PREX1: variants seen among roughly 807,000 people sequenced by gnomAD.
The protein encoded by PREX1 is phosphatidylinositol-3,4,5-trisphosphate dependent Rac exchange factor 1.
Under a neutral mutation model 198.3 loss-of-function variants are expected in PREX1, and 41 were observed. That is an observed-to-expected ratio of 0.21 (90% CI 0.16 to 0.27). The LOEUF (loss-of-function observed/expected upper bound fraction) is 0.27. Among genes scored for constraint, PREX1 ranks in the 10% least tolerant of loss-of-function variants. PREX1 has a pLI of 1.00. For synonymous variants in PREX1, 843 were observed against 887.2 expected (o/e 0.95, Z 0.89); for missense variants, 1,620 against 2,200.7 (o/e 0.74, Z 5.28).
intron 33 of PREX1, 27 bp from the exon 34 acceptor site, chr20:48,632,666 C>T: frequency 6.2e-7 from 1 of 1,612,174 alleles, no homozygotes; most frequent in Non-Finnish European, 8.5e-7. Context: ...GGCAGGATGA[C>T]TCACCACCGA....
At chr20:48,667,365 A>G (rs538219577) in intron 14 of PREX1, among the ~76,000 whole-genome samples, 4 of 152,230 alleles carry the variant, frequency 2.6e-5, no homozygotes, top group Non-Finnish European at 5.9e-5. Context: ...GCACCAGCTA[A>G]TAAGACGACT....
intron 15 of PREX1, among the ~76,000 whole-genome samples, chr20:48,662,745 T>TTG (rs2089606487): frequency 1.3e-5 from 2 of 152,198 alleles, no homozygotes; most frequent in African/African-American, 4.8e-5. Flanking sequence ...AATCCTGGAA[T>TTG]TGGCCCTTTC....
chr20:48,642,286 T>C (rs1220098715), intron 28 of PREX1, 28 bp from the exon 29 acceptor site: 1 of 1,611,624 alleles, frequency 6.2e-7, no homozygotes, highest in East Asian at 2.2e-5. Flanking sequence ...TGGGGTTGGT[T>C]TGGGCCCCGT....
intron 1 of PREX1, among the ~76,000 whole-genome samples, chr20:48,771,757 T>C (rs954719072): frequency 6.6e-6 from 1 of 152,156 alleles, no homozygotes; most frequent in African/African-American, 2.4e-5. Context: ...CCGGACACGG[T>C]TCCAAGTGCT....
chr20:48,865,416 T>A, the PREX1 span, among the ~76,000 whole-genome samples: 1 of 152,130 alleles, frequency 6.6e-6, no homozygotes, highest in African/African-American at 2.4e-5. Context: ...TGCAAAGAAA[T>A]CTTTGGCAGC....
intron 1 of PREX1, among the ~76,000 whole-genome samples, chr20:48,819,090 C>CT (rs2090471764): frequency 6.6e-6 from 1 of 152,174 alleles, no homozygotes; most frequent in Non-Finnish European, 1.5e-5. Context: ...TCTCTGAGAC[C>CT]TTAGTAAGAC....
chr20:48,817,217 A>C (rs980926633), intron 1 of PREX1, among the ~76,000 whole-genome samples: 2 of 152,184 alleles, frequency 1.3e-5, no homozygotes, highest in African/African-American at 2.4e-5. Flanking sequence ...TGGAGAAGAG[A>C]GTGAACAGCA....
chr20:48,863,411 C>G, the PREX1 span, among the ~76,000 whole-genome samples: 1 of 151,930 alleles, frequency 6.6e-6, no homozygotes, highest in African/African-American at 2.4e-5. Flanking sequence ...GTTTCACTGC[C>G]CTAAAATTCT....
intron 32 of PREX1, among the ~76,000 whole-genome samples, chr20:48,635,566 T>C (rs2089355642): frequency 6.6e-6 from 1 of 152,162 alleles, no homozygotes; most frequent in South Asian, 2.1e-4. Flanking sequence ...CTGGTCCCTC[T>C]ACCCCGCACA....
At chr20:48,735,551 T>C (rs2090053664) in intron 3 of PREX1, among the ~76,000 whole-genome samples, 1 of 151,912 alleles carries the variant, frequency 6.6e-6, no homozygotes, top group Non-Finnish European at 1.5e-5. Flanking sequence ...AGCCACAAAG[T>C]GCCCAGGTCA....
At chr20:48,645,757 A>C (rs1473131843) in intron 26 of PREX1, 94 bp downstream of exon 26, 1 of 1,366,114 alleles carries the variant, frequency 7.3e-7, no homozygotes, top group Non-Finnish European at 1.0e-6. Flanking sequence ...CACCCTGAGA[A>C]GTGTCCACTG....
the PREX1 span, among the ~76,000 whole-genome samples, chr20:48,855,902 CAAAT>C: frequency 2.6e-5 from 4 of 151,968 alleles, no homozygotes; most frequent in Admixed American, 6.6e-5. Flanking sequence ...GACTCTGTCT[CAAAT>C]AAATAAATAA....
At chr20:48,692,514 C>A (rs906950161) in intron 8 of PREX1, 158 bp downstream of exon 8, 2 of 579,760 alleles carry the variant, frequency 3.4e-6, no homozygotes, top group African/African-American at 3.7e-5. Context: ...TGCTAACCAC[C>A]CAGATGTTCG....
chr20:48,784,607 G>A (rs1449598112), intron 1 of PREX1, among the ~76,000 whole-genome samples: 1 of 152,172 alleles, frequency 6.6e-6, no homozygotes, highest in Admixed American at 6.5e-5. Context: ...CTGCTGGACC[G>A]AAAGGCCTCC....
chr20:48,787,647 A>T (rs943782315), intron 1 of PREX1, among the ~76,000 whole-genome samples: 2 of 151,928 alleles, frequency 1.3e-5, no homozygotes, highest in Non-Finnish European at 2.9e-5. Context: ...AAACAAAACA[A>T]AACAAAAAAA....
chr20:48,662,016 G>A (rs1466748698), intron 15 of PREX1, among the ~76,000 whole-genome samples: 1 of 152,216 alleles, frequency 6.6e-6, no homozygotes, highest in African/African-American at 2.4e-5. Context: ...CCTCGTCCCT[G>A]AAGACAGAGG....
chr20:48,701,451 T>C (rs6066819), intron 6 of PREX1, among the ~76,000 whole-genome samples: 9,385 of 152,204 alleles, frequency 0.062, 366 homozygotes, highest in East Asian at 0.13. Flanking sequence ...TGACCTCAGG[T>C]GATCCAACCG....
the PREX1 span, among the ~76,000 whole-genome samples, chr20:48,865,294 T>A: frequency 6.6e-6 from 1 of 151,964 alleles, no homozygotes; most frequent in East Asian, 1.9e-4. Flanking sequence ...ATGTGTAAAA[T>A]GAAGTATGTG....
At chr20:48,768,309 G>A (rs1456151016) in intron 1 of PREX1, among the ~76,000 whole-genome samples, 1 of 152,202 alleles carries the variant, frequency 6.6e-6, no homozygotes, top group Non-Finnish European at 1.5e-5. Context: ...ACAAATGGTG[G>A]TGTTCTCACA....
Sources: allele counts gnomAD v4.1 joint callset (sites outside exome capture counted in the v4.1 genomes callset), GRCh38; gene constraint gnomAD v4.1.1; transcripts MANE v1.5; gene names NCBI Gene and HGNC (gene_info 2026-07-23, HGNC 2026-07-21).